Variants in EPHA3 observed in about 807,000 individuals in gnomAD.
EPHA3 encodes EPH receptor A3.
In EPHA3, 42 loss-of-function variants were observed where a neutral mutation model predicts 107.1. The ratio of observed to expected loss-of-function variants is 0.39; its 90% confidence interval spans 0.31 to 0.51. EPHA3 has a LOEUF of 0.51. EPHA3 is among the 20% of genes least tolerant of loss of function. The pLI is 0.78. For missense variants in EPHA3, 1,183 were observed against 1,211.2 expected, an observed-to-expected ratio of 0.98 and a Z score of 0.35; for synonymous variants, 461 against 424.8, an observed-to-expected ratio of 1.09 and a Z score of -1.05.
chr3:89,201,221 G>A (rs1313062157), intron 2 of EPHA3, among the ~76,000 whole-genome samples: 4 of 152,004 alleles, frequency 2.6e-5, no homozygotes, highest in Non-Finnish European at 5.9e-5. Context: ...TTTCAAACAA[G>A]CAGATCTCAT....
At chr3:89,183,248 T>A (rs1705485501) in intron 2 of EPHA3, among the ~76,000 whole-genome samples, 1 of 152,078 alleles carries the variant, frequency 6.6e-6, no homozygotes, top group African/African-American at 2.4e-5. Flanking sequence ...AAATTAAATA[T>A]GAATTTTAAA....
intron 3 of EPHA3, among the ~76,000 whole-genome samples, chr3:89,303,653 A>G (rs1216438018): frequency 2.0e-5 from 3 of 152,142 alleles, no homozygotes; most frequent in Non-Finnish European, 4.4e-5. Flanking sequence ...ATTTTTTTCT[A>G]TATCAATTAT....
intron 2 of EPHA3, among the ~76,000 whole-genome samples, chr3:89,153,931 A>C (rs574090986): frequency 6.6e-6 from 1 of 152,034 alleles, no homozygotes; most frequent in African/African-American, 2.4e-5. Context: ...CATCCTTGCT[A>C]GTGTCCACGG....
intron 2 of EPHA3, among the ~76,000 whole-genome samples, chr3:89,194,261 T>G (rs1298015441): frequency 6.6e-6 from 1 of 152,052 alleles, no homozygotes; most frequent in Non-Finnish European, 1.5e-5. Flanking sequence ...AAAATTATAG[T>G]AATACTATAT....
intron 2 of EPHA3, among the ~76,000 whole-genome samples, chr3:89,199,698 T>C (rs953548769): frequency 2.6e-5 from 4 of 152,226 alleles, no homozygotes; most frequent in African/African-American, 9.6e-5. Context: ...ATCTGAATTA[T>C]AAATTTACTG....
At chr3:89,479,296 C>A in intron 16 of EPHA3, 101 bp from the exon 17 acceptor site, 1 of 870,986 alleles carries the variant, frequency 1.1e-6, no homozygotes, top group Non-Finnish European at 1.9e-6. Context: ...ATTAGGTCCA[C>A]AGTACTAGAA....
At chr3:89,375,251 G>A (rs145375516) in intron 5 of EPHA3, among the ~76,000 whole-genome samples, 14 of 151,686 alleles carry the variant, frequency 9.2e-5, no homozygotes, top group African/African-American at 2.2e-4. Flanking sequence ...ATATGGTCTC[G>A]GCTGTCACCA....
chr3:89,145,790 C>A (rs1387492490), intron 2 of EPHA3, among the ~76,000 whole-genome samples: 3 of 151,422 alleles, frequency 2.0e-5, no homozygotes, highest in African/African-American at 7.3e-5. Flanking sequence ...TGTCTAGAAT[C>A]GATTTCTCAC....
In EPHA3 at chr3:89,383,837, A is replaced by T. The variant is rs185088952; in HGVS notation, c.1307-12000A>T. ...CTAATTTTTTGTATTTTTAGTAGAG[A>T]TGGGGTTTCACTATGTTAGCCAGGA... is the stretch of plus-strand genomic sequence containing the variant. On this transcript the variant is annotated intron_variant, in intron 5 of 16. Transcript: ENST00000336596. 2.5e-3 allele frequency among the ~76,000 whole-genome samples: 381 copies of T among 151,544 alleles called. 5 individuals carry two copies. The highest frequency in any genetic ancestry group is 6.4e-3 in the Admixed American group (97 of 15,232).
chr3:89,268,878 A>G (rs1365660008), intron 3 of EPHA3, among the ~76,000 whole-genome samples: 1 of 151,868 alleles, frequency 6.6e-6, no homozygotes, highest in Non-Finnish European at 1.5e-5. Flanking sequence ...GATAAATGAT[A>G]TAATTTTTCT....
At chr3:89,438,232 C>A (rs540814236) in intron 13 of EPHA3, among the ~76,000 whole-genome samples, 1 of 152,030 alleles carries the variant, frequency 6.6e-6, no homozygotes, top group East Asian at 1.9e-4. Context: ...CCTCAGCCTC[C>A]GGAGTAGCTG....
chr3:89,467,550 T>A (rs1291284214), intron 15 of EPHA3, among the ~76,000 whole-genome samples: 1 of 152,174 alleles, frequency 6.6e-6, no homozygotes, highest in Admixed American at 6.5e-5. Context: ...TAAGGTAGCA[T>A]TGAAATAAGA....
intron 3 of EPHA3, among the ~76,000 whole-genome samples, chr3:89,323,978 C>T (rs1180875152): frequency 6.6e-6 from 1 of 151,686 alleles, no homozygotes; most frequent in East Asian, 1.9e-4. Flanking sequence ...AGTACAAATA[C>T]TATAAATACC....
Position 89,431,349 on chromosome 3 carries a change from A to G in EPHA3, c.2336A>G (p.Tyr779Cys), listed in dbSNP as rs773980261. 6.2e-7 allele frequency: 1 copy of G among 1,613,442 alleles called. No homozygotes were observed. The highest frequency in any genetic ancestry group is 1.3e-5 in the African/African-American group (1 of 74,880). Residue 779 changes from tyrosine to cysteine, a missense_variant, in exon 13 of 17, where the codon TAT (tyrosine) becomes TGT (cysteine). Coordinates refer to ENST00000336596, the MANE Select transcript of EPHA3 (RefSeq NM_005233.6). Reference sequence around the variant, plus strand: ...CTGGAGGATGACCCAGAAGCTGCTTATACAACAAGAGTGAGTAACTTAGAT... The same window carrying G: ...CTGGAGGATGACCCAGAAGCTGCTTGTACAACAAGAGTGAGTAACTTAGAT... ...RVLEDDPEAAYTTRGGKIPIR... is the reference protein window; with the variant it reads ...RVLEDDPEAACTTRGGKIPIR...
rs779782439 is a variant in EPHA3 at position 89,127,282 on chromosome 3, A to C, written c.153+9A>C. 3.7e-6 allele frequency: 6 copies of C among 1,607,212 alleles called. No individual in the cohort carries two copies. The highest frequency in any genetic ancestry group is 1.3e-5 in the African/African-American group (1 of 74,846). On this transcript the variant is annotated intron_variant, in intron 2 of 16. Coordinates refer to ENST00000336596, the MANE Select transcript of EPHA3 (RefSeq NM_005233.6). ...CTTATCCATCACATGGGGTGAGTTC[A>C]ATAAACTATCACAAGGAAACATTTT...
intron 5 of EPHA3, among the ~76,000 whole-genome samples, chr3:89,362,738 T>C (rs1441136233): frequency 1.3e-5 from 2 of 150,834 alleles, no homozygotes; most frequent in African/African-American, 4.8e-5. Flanking sequence ...ATGGGATGAG[T>C]GGCAGGAAAG....
At chr3:89,410,713 C>T (rs1313799873) in intron 9 of EPHA3, among the ~76,000 whole-genome samples, 2 of 151,830 alleles carry the variant, frequency 1.3e-5, no homozygotes, top group Non-Finnish European at 2.9e-5. Context: ...GAAAAGACTC[C>T]AACAAGATTT....
At chr3:89,229,458 C>T (rs1418721060) in intron 3 of EPHA3, among the ~76,000 whole-genome samples, 1 of 151,392 alleles carries the variant, frequency 6.6e-6, no homozygotes, top group East Asian at 1.9e-4. Context: ...TTATATCTAT[C>T]TTAAATGGGA....
At chr3:89,425,717 G>GTA (rs1008874753) in intron 11 of EPHA3, among the ~76,000 whole-genome samples, 23 of 151,188 alleles carry the variant, frequency 1.5e-4, no homozygotes, top group East Asian at 3.9e-4. Flanking sequence ...GACTATATAT[G>GTA]TATATATATA....
Sources: allele counts gnomAD v4.1 joint callset (sites outside exome capture counted in the v4.1 genomes callset), GRCh38; gene constraint gnomAD v4.1.1; transcripts MANE v1.5; gene names NCBI Gene and HGNC (gene_info 2026-07-23, HGNC 2026-07-21).